GLIS1: variants seen among roughly 807,000 people sequenced by gnomAD.
GLIS1 encodes zinc finger protein GLIS1.
GLIS1 carries 24 observed loss-of-function variants against 63.8 expected under a neutral mutation model. The observed-to-expected ratio is 0.38, with a 90% CI of 0.27 to 0.53. The LOEUF (loss-of-function observed/expected upper bound fraction) is 0.53, where lower values mean the gene tolerates loss of function less well. Ranked by LOEUF, GLIS1 falls within the 20% of genes least tolerant of loss-of-function variation. The probability of loss-of-function intolerance (pLI) is 0.85; values close to 1 mark genes in which losing one functional copy is unlikely to be tolerated. For missense variants in GLIS1, 1,036 were observed against 1,074.1 expected, an observed-to-expected ratio of 0.96 and a Z score of 0.50; for synonymous variants, 450 against 482.5, an observed-to-expected ratio of 0.93 and a Z score of 0.88.
At position 53,529,989 on chromosome 1, in the gene GLIS1, G is replaced by C. The variant is rs757832112; in HGVS notation, c.1321-37C>G. 3.1e-6 allele frequency: 5 copies of C among 1,599,156 alleles called. No homozygotes were observed. In the Admixed American group the frequency reaches 5.1e-5, roughly 16 times the overall value. On this transcript the variant is annotated intron_variant, in intron 4 of 10. Transcript: ENST00000628545. The stretch of plus-strand genomic sequence containing the variant: ...GCTGGTGAGGGGAACTCCCAGCCCG[G>C]TGGGCACCCCAACCCTGCATGGAAA...
intron 4 of GLIS1, among the ~76,000 whole-genome samples, chr1:53,540,256 A>G (rs1199546809): frequency 6.6e-6 from 1 of 151,948 alleles, no homozygotes; most frequent in African/African-American, 2.4e-5. Flanking sequence ...TTGCTGGGGG[A>G]TTCTTTTTAG....
At chr1:53,649,362 T>C (rs1485756766) in intron 2 of GLIS1, among the ~76,000 whole-genome samples, 1 of 152,246 alleles carries the variant, frequency 6.6e-6, no homozygotes, top group African/African-American at 2.4e-5. Context: ...CATAGCCACC[T>C]CCTGTTGCTA....
chr1:53,705,872 G>T (rs975176512), intron 2 of GLIS1, among the ~76,000 whole-genome samples: 4 of 152,192 alleles, frequency 2.6e-5, no homozygotes, highest in African/African-American at 9.7e-5. Context: ...CTCCCGGGAA[G>T]TCCGAGGAAG....
intron 2 of GLIS1, among the ~76,000 whole-genome samples, chr1:53,719,812 A>G (rs543897238): frequency 6.6e-5 from 10 of 152,358 alleles, no homozygotes; most frequent in Admixed American, 3.9e-4. Flanking sequence ...AATTAAAATT[A>G]GAGCTACCCT....
At chr1:53,640,763 CTGGGA>C (rs1645778552) in intron 2 of GLIS1, among the ~76,000 whole-genome samples, 1 of 152,170 alleles carries the variant, frequency 6.6e-6, no homozygotes, top group African/African-American at 2.4e-5. Flanking sequence ...AGGCAGTAGT[CTGGGA>C]TACTACATTA....
chr1:53,692,549 T>G (rs961279341), intron 2 of GLIS1, among the ~76,000 whole-genome samples: 1 of 152,254 alleles, frequency 6.6e-6, no homozygotes, highest in Non-Finnish European at 1.5e-5. Context: ...GTGCCACTAT[T>G]GTCCCTGATT....
intron 2 of GLIS1, among the ~76,000 whole-genome samples, chr1:53,671,595 C>A (rs1198972230): frequency 6.6e-6 from 1 of 152,172 alleles, no homozygotes; most frequent in East Asian, 1.9e-4. Context: ...TAAGAACGGT[C>A]TTTGAAAGTA....
chr1:53,734,983 C>G (rs1234453369), intron 2 of GLIS1, among the ~76,000 whole-genome samples: 1 of 152,074 alleles, frequency 6.6e-6, no homozygotes, highest in Non-Finnish European at 1.5e-5. Context: ...TGACATCACA[C>G]CATCCCAGTG....
chr1:53,675,240 A>G (rs561380354), intron 2 of GLIS1, among the ~76,000 whole-genome samples: 1 of 152,256 alleles, frequency 6.6e-6, no homozygotes, highest in African/African-American at 2.4e-5. Flanking sequence ...TTACTCTCCA[A>G]GGGTCTTCTG....
chr1:53,622,482 A>C (rs1246312311), intron 2 of GLIS1, among the ~76,000 whole-genome samples: 1 of 151,884 alleles, frequency 6.6e-6, no homozygotes, highest in Non-Finnish European at 1.5e-5. Context: ...ATTCCATGTC[A>C]AATCTCCAGA....
chr1:53,541,255 G>A (rs1644640199), intron 4 of GLIS1, among the ~76,000 whole-genome samples: 1 of 152,234 alleles, frequency 6.6e-6, no homozygotes, highest in South Asian at 2.1e-4. Context: ...CTCAGAGGGT[G>A]CAAATAGTTC....
rs1010672052 is a variant in GLIS1, at chr1:53,646,563, G to A, written c.260-46285C>T. On this transcript the variant is annotated intron_variant, in intron 2 of 10. Coordinates refer to ENST00000628545, the MANE Select transcript of GLIS1 (RefSeq NM_001367484.1). This position sits in a 1 kb window ranked among gnomAD's most constrained non-coding sequence, Gnocchi z 4.2. ...GGTGGCTCACACCTGTAATTCCAGC[G>A]CTTTGGGAGGCTAAGGTGGGTGGAT... 5.3e-5 allele frequency among the ~76,000 whole-genome samples: 8 copies of A among 152,098 alleles called. No individual in the cohort carries two copies. The highest frequency in any genetic ancestry group is 1.4e-4 in the African/African-American group (6 of 41,410).
chr1:53,541,317 T>C (rs186603524), intron 4 of GLIS1, among the ~76,000 whole-genome samples: 91 of 152,332 alleles, frequency 6.0e-4, no homozygotes, highest in African/African-American at 2.1e-3. Context: ...CAGTTTTAAA[T>C]TGGTCTGGCC....
intron 2 of GLIS1, among the ~76,000 whole-genome samples, chr1:53,669,888 G>T (rs1193053296): frequency 6.6e-6 from 1 of 152,198 alleles, no homozygotes; most frequent in Non-Finnish European, 1.5e-5. Context: ...CAGAGGGTGG[G>T]GGAACTGCTT....
At chr1:53,616,837 T>C (rs1029750913) in intron 2 of GLIS1, among the ~76,000 whole-genome samples, 3 of 152,186 alleles carry the variant, frequency 2.0e-5, no homozygotes, top group South Asian at 2.1e-4. Flanking sequence ...TTCTGGATTC[T>C]GTGGAAAAGA....
intron 2 of GLIS1, among the ~76,000 whole-genome samples, chr1:53,619,849 G>A (rs1348753126): frequency 4.6e-5 from 7 of 152,232 alleles, no homozygotes; most frequent in Admixed American, 3.3e-4. Context: ...CCCAGTGAGC[G>A]TGAAGGGCTG....
chr1:53,586,169 C>G (rs1445329908), intron 4 of GLIS1, among the ~76,000 whole-genome samples: 1 of 152,158 alleles, frequency 6.6e-6, no homozygotes, highest in African/African-American at 2.4e-5. Flanking sequence ...CTTGTTAAGC[C>G]CAAGCCCCCT....
intron 2 of GLIS1, among the ~76,000 whole-genome samples, chr1:53,685,744 C>T (rs904068686): frequency 2.0e-5 from 3 of 152,182 alleles, no homozygotes; most frequent in South Asian, 2.1e-4. Context: ...AACCCATCCC[C>T]TCCTCTCCCC....
chr1:53,521,499 A>G (rs1418325328), intron 6 of GLIS1, among the ~76,000 whole-genome samples: 1 of 152,064 alleles, frequency 6.6e-6, no homozygotes, highest in East Asian at 1.9e-4. Context: ...GGTCTTGCCT[A>G]CCCAGCCTGT....
Sources: allele counts gnomAD v4.1 joint callset (sites outside exome capture counted in the v4.1 genomes callset), GRCh38; gene constraint gnomAD v4.1.1; non-coding constraint Gnocchi (gnomAD v3.1); transcripts MANE v1.5; gene names NCBI Gene and HGNC (gene_info 2026-07-23, HGNC 2026-07-21).